RBPJ: variants seen among roughly 807,000 people sequenced by gnomAD.
The protein encoded by RBPJ is recombination signal binding protein for immunoglobulin kappa J region, also known as recombining binding protein suppressor of hairless.
In RBPJ, 9 loss-of-function variants were observed where a neutral mutation model predicts 67.8. The ratio of observed to expected loss-of-function variants is 0.13; its 90% confidence interval spans 0.08 to 0.23. The LOEUF (loss-of-function observed/expected upper bound fraction) is 0.23, where lower values mean the gene tolerates loss of function less well. Among genes scored for constraint, RBPJ ranks in the 10% least tolerant of loss-of-function variants. The probability of loss-of-function intolerance (pLI) is 1.00; values close to 1 mark genes in which losing one functional copy is unlikely to be tolerated. For missense variants in RBPJ, 305 were observed against 595.6 expected (o/e 0.51, Z 5.08); for synonymous variants, 198 against 203.3 (o/e 0.97, Z 0.22).
intron 1 of RBPJ, among the ~76,000 whole-genome samples, chr4:26,193,489 T>A (rs972299025): frequency 6.9e-6 from 1 of 145,460 alleles, no homozygotes; most frequent in Non-Finnish European, 1.5e-5. Context: ...TCGGTGTCAA[T>A]TTTTTTTTTA....
intron 1 of RBPJ, among the ~76,000 whole-genome samples, chr4:26,180,891 G>T (rs1716960446): frequency 6.6e-6 from 1 of 152,174 alleles, no homozygotes; most frequent in Admixed American, 6.5e-5. Flanking sequence ...ATTTACATGG[G>T]TCAGGAATGC....
At chr4:26,324,697 T>G (rs545825396) in intron 1 of RBPJ, among the ~76,000 whole-genome samples, 4 of 152,120 alleles carry the variant, frequency 2.6e-5, no homozygotes, top group African/African-American at 9.6e-5. Flanking sequence ...ACCTGGCTAA[T>G]TTTGTATTTT....
At chr4:26,316,540 T>TTCATATAC (rs1440895367), upstream of RBPJ, among the ~76,000 whole-genome samples, 9 of 145,208 alleles carry the variant, frequency 6.2e-5, no homozygotes, top group Non-Finnish European at 1.3e-4. Context: ...TTCATATATA[T>TTCATATAC]ATTCATGTAT....
the RBPJ span, among the ~76,000 whole-genome samples, chr4:26,148,890 A>G: frequency 6.6e-6 from 1 of 152,234 alleles, no homozygotes; most frequent in African/African-American, 2.4e-5. Context: ...AAAGACCATC[A>G]GGACCACTGT....
chr4:26,360,595 C>CTTTT (rs11393982), intron 1 of RBPJ, among the ~76,000 whole-genome samples: 2 of 133,746 alleles, frequency 1.5e-5, no homozygotes, highest in African/African-American at 5.6e-5. Flanking sequence ...TTCATAGGTG[C>CTTTT]TTTTTTTTTT....
chr4:26,427,332 T>G (rs538463482), intron 7 of RBPJ, among the ~76,000 whole-genome samples: 92 of 152,286 alleles, frequency 6.0e-4, no homozygotes, highest in African/African-American at 2.1e-3. Flanking sequence ...TCCAAAAATC[T>G]GTTTTCGATA....
At chr4:26,250,239 C>A (rs998508268) in intron 1 of RBPJ, among the ~76,000 whole-genome samples, 12 of 151,858 alleles carry the variant, frequency 7.9e-5, no homozygotes, top group Non-Finnish European at 1.6e-4. Flanking sequence ...TAGAATCATA[C>A]AACATTTGCC....
At chr4:26,227,909 T>G (rs1403876582) in intron 1 of RBPJ, among the ~76,000 whole-genome samples, 1 of 152,212 alleles carries the variant, frequency 6.6e-6, no homozygotes, top group Non-Finnish European at 1.5e-5. Flanking sequence ...CATCCTTGGT[T>G]TCTGTGCTTT....
chr4:26,428,162 G>A (rs184639894), intron 7 of RBPJ, among the ~76,000 whole-genome samples: 8 of 152,204 alleles, frequency 5.3e-5, no homozygotes, highest in African/African-American at 1.9e-4. Context: ...TTTTAAATAC[G>A]TAAGTTTTGG....
chr4:26,147,448 C>A, the RBPJ span, among the ~76,000 whole-genome samples: 3 of 152,318 alleles, frequency 2.0e-5, no homozygotes, highest in African/African-American at 7.2e-5. Context: ...CTTCCTTCTT[C>A]AAGTTGCTCA....
At chr4:26,286,921 G>A (rs916933766) in intron 1 of RBPJ, among the ~76,000 whole-genome samples, 7 of 151,792 alleles carry the variant, frequency 4.6e-5, no homozygotes, top group Non-Finnish European at 7.4e-5. Context: ...CAAGTAGCTG[G>A]GATCACGGGG....
At chr4:26,275,354 G>C (rs1306055452) in intron 1 of RBPJ, among the ~76,000 whole-genome samples, 1 of 152,196 alleles carries the variant, frequency 6.6e-6, no homozygotes, top group Admixed American at 6.5e-5. Context: ...AAGGTTCTGG[G>C]CTCCTATGGG....
intron 1 of RBPJ, among the ~76,000 whole-genome samples, chr4:26,259,235 AG>A (rs2109248099): frequency 6.6e-6 from 1 of 152,324 alleles, no homozygotes; most frequent in Non-Finnish European, 1.5e-5. Flanking sequence ...AATGTGTAGA[AG>A]CATGATGTAT....
the RBPJ span, among the ~76,000 whole-genome samples, chr4:26,124,359 C>T: frequency 2.8e-5 from 4 of 143,692 alleles, no homozygotes; most frequent in African/African-American, 1.0e-4. Context: ...CAGTCTCATC[C>T]AGGTCGCTGT....
chr4:26,204,575 A>G (rs952606171), intron 1 of RBPJ, among the ~76,000 whole-genome samples: 3 of 152,154 alleles, frequency 2.0e-5, no homozygotes, highest in Non-Finnish European at 4.4e-5. Context: ...AGATGTGGCC[A>G]TGCAGAGGGG....
chr4:26,409,297 T>TG (rs1447412464), intron 3 of RBPJ, among the ~76,000 whole-genome samples: 1 of 151,996 alleles, frequency 6.6e-6, no homozygotes, highest in African/African-American at 2.4e-5. Flanking sequence ...CCCGGCATGG[T>TG]GGCTCATGCC....
chr4:26,235,283 G>A (rs571221267), intron 1 of RBPJ, among the ~76,000 whole-genome samples: 23 of 152,278 alleles, frequency 1.5e-4, no homozygotes, highest in African/African-American at 4.6e-4. Context: ...AAATTGATTT[G>A]ATCAAACATA....
chr4:26,145,819 A>G, the RBPJ span, among the ~76,000 whole-genome samples: 3 of 152,244 alleles, frequency 2.0e-5, no homozygotes, highest in Non-Finnish European at 4.4e-5. Context: ...GTCAAAATAA[A>G]TTTCAGAAGG....
intron 1 of RBPJ, among the ~76,000 whole-genome samples, chr4:26,285,595 T>C (rs1426624618): frequency 6.9e-6 from 1 of 145,300 alleles, no homozygotes; most frequent in Non-Finnish European, 1.5e-5. Flanking sequence ...TTGGTATCAA[T>C]AGTGACTGCC....
Sources: allele counts gnomAD v4.1 joint callset (sites outside exome capture counted in the v4.1 genomes callset), GRCh38; gene constraint gnomAD v4.1.1; transcripts MANE v1.5; gene names NCBI Gene and HGNC (gene_info 2026-07-23, HGNC 2026-07-21).